Variants in CAMK2D observed in about 807,000 individuals in gnomAD.
The protein encoded by CAMK2D is calcium/calmodulin-dependent protein kinase type II subunit delta.
In CAMK2D, 37 loss-of-function variants were observed where a neutral mutation model predicts 84.0. The ratio of observed to expected loss-of-function variants is 0.44; its 90% CI spans 0.34 to 0.58. The LOEUF (loss-of-function observed/expected upper bound fraction) is 0.58, where lower values mean the gene tolerates loss of function less well. Ranked by LOEUF, CAMK2D falls within the 20% of genes least tolerant of loss-of-function variation. CAMK2D has a pLI of 0.02. For synonymous variants in CAMK2D, 202 were observed against 212.5 expected, an observed-to-expected ratio of 0.95 and a Z score of 0.43; for missense variants, 448 against 652.5, an observed-to-expected ratio of 0.69 and a Z score of 3.41.
intron 15 of CAMK2D, among the ~76,000 whole-genome samples, chr4:113,500,859 A>G (rs1483314115): frequency 2.6e-5 from 4 of 152,076 alleles, no homozygotes; most frequent in Admixed American, 2.0e-4. Context: ...TCTACAAGCA[A>G]TTGAATATGT....
intron 4 of CAMK2D, among the ~76,000 whole-genome samples, chr4:113,584,995 C>G (rs1280975885): frequency 6.6e-6 from 1 of 152,166 alleles, no homozygotes; most frequent in Non-Finnish European, 1.5e-5. Flanking sequence ...TGCTGTTTAT[C>G]CGGGTCCCAC....
intron 17 of CAMK2D, among the ~76,000 whole-genome samples, chr4:113,463,922 TA>T (rs938527875): frequency 1.5e-4 from 23 of 152,342 alleles, no homozygotes; most frequent in Non-Finnish European, 2.1e-4. Flanking sequence ...ATGTTTTACA[TA>T]AAAAATTTAT....
At position 113,761,194 on chromosome 4, in the gene CAMK2D, G is replaced by A. The variant is rs2099640723; in HGVS notation, c.-126C>T. On this transcript the variant is annotated 5_prime_UTR_variant, in exon 1 of 21. Coordinates refer to ENST00000511664, the MANE Select transcript of CAMK2D (RefSeq NM_001321571.2). ...CCGCTCTTACTTTCCTGGTCCGAAA[G>A]TAGCTCGCCCGCGAGGGAGTGTGCG... 1 of 1,489,224 alleles carries A rather than the reference G, an allele frequency of 6.7e-7. No individual in the cohort carries two copies. Among genetic ancestry groups the A allele is most frequent in the South Asian group, 1.1e-5 (1 of 87,762 alleles). 92.3% of individuals were successfully genotyped at this position (1,489,224 alleles called of 1,614,324 possible). A position where few individuals can be genotyped will look rare whatever the true frequency, so the allele number is the denominator to read the frequency against.
intron 4 of CAMK2D, among the ~76,000 whole-genome samples, chr4:113,557,802 T>G (rs2098675004): frequency 1.3e-5 from 2 of 152,158 alleles, no homozygotes; most frequent in Admixed American, 6.5e-5. Flanking sequence ...ATACGTATAT[T>G]ATGAGCATGG....
intron 16 of CAMK2D, among the ~76,000 whole-genome samples, chr4:113,489,470 T>C (rs1300918465): frequency 6.6e-6 from 1 of 152,044 alleles, no homozygotes; most frequent in Non-Finnish European, 1.5e-5. Context: ...GGACATGAAC[T>C]CATCATTTTT....
intron 2 of CAMK2D, among the ~76,000 whole-genome samples, chr4:113,731,281 CTG>C (rs894543174): frequency 6.6e-6 from 1 of 152,170 alleles, no homozygotes; most frequent in Non-Finnish European, 1.5e-5. Context: ...TTTTATAACT[CTG>C]TGTATTAGCA....
At chr4:113,532,552 G>C (rs2098465009) in intron 7 of CAMK2D, among the ~76,000 whole-genome samples, 1 of 152,178 alleles carries the variant, frequency 6.6e-6, no homozygotes, top group South Asian at 2.1e-4. Flanking sequence ...TTCCAAGGTA[G>C]AGATGGACAC....
chr4:113,608,655 T>C (rs1378640676), intron 4 of CAMK2D, among the ~76,000 whole-genome samples: 2 of 152,234 alleles, frequency 1.3e-5, no homozygotes, highest in Non-Finnish European at 2.9e-5. Flanking sequence ...TGGCCTGTTT[T>C]ACTATATCCC....
chr4:113,480,563 G>A (rs1005184281), intron 16 of CAMK2D, among the ~76,000 whole-genome samples: 5 of 151,584 alleles, frequency 3.3e-5, no homozygotes, highest in South Asian at 2.1e-4. Flanking sequence ...CTTGAGGGCC[G>A]GGTGCAGTGG....
chr4:113,677,718 C>G (rs2099324518), intron 2 of CAMK2D: 1 of 154,846 alleles, frequency 6.5e-6, no homozygotes, highest in Non-Finnish European at 1.4e-5. Flanking sequence ...ATTAGGTTAT[C>G]AATCTCATAT....
chr4:113,535,861 C>T (rs886181308), intron 7 of CAMK2D, among the ~76,000 whole-genome samples: 1 of 152,160 alleles, frequency 6.6e-6, no homozygotes, highest in Non-Finnish European at 1.5e-5. Flanking sequence ...AAGATACTTC[C>T]ACCCTGAATG....
rs1194899858 is a variant in CAMK2D, at chr4:113,493,479, C to A, written c.1135+6984G>T. 2.5e-4 allele frequency among the ~76,000 whole-genome samples: 38 copies of A among 152,300 alleles called. No individual in the cohort carries two copies. The East Asian group carries it at 7.2e-3, about 29-fold the overall frequency. ...AATGTTGAATATTGGCCCCTACTCT[C>A]TTCTGGCTTGTAGGGTTTCTGCCGA... On this transcript the variant is annotated intron_variant, in intron 16 of 20. Coordinates refer to ENST00000511664, the MANE Select transcript of CAMK2D (RefSeq NM_001321571.2).
Position 113,594,651 on chromosome 4 carries a change from G to A in CAMK2D, c.275+14501C>T, listed in dbSNP as rs561015202. On this transcript the variant is annotated intron_variant, in intron 4 of 20. Transcript: ENST00000511664. ...GAAAAATGGAGAATGTCTTTGATAGGCTCATTAGTAGACTAGACAGGGCTG... is the reference window on the plus strand; with the variant it reads ...GAAAAATGGAGAATGTCTTTGATAGACTCATTAGTAGACTAGACAGGGCTG... 2.0e-5 allele frequency among the ~76,000 whole-genome samples: 3 copies of A among 152,278 alleles called. No individual in the cohort carries two copies. The Middle Eastern group carries it at 0.01, about 518-fold the overall frequency.
chr4:113,508,972 T>A (rs1177516957), intron 13 of CAMK2D, among the ~76,000 whole-genome samples: 1 of 152,242 alleles, frequency 6.6e-6, no homozygotes, highest in Non-Finnish European at 1.5e-5. Context: ...ACCATAAGAT[T>A]ACATTCCAAC....
intron 4 of CAMK2D, among the ~76,000 whole-genome samples, chr4:113,607,333 T>C (rs1274537475): frequency 1.3e-5 from 2 of 151,988 alleles, no homozygotes; most frequent in African/African-American, 2.4e-5. Context: ...TGCAGTAGGA[T>C]TGTGCAGAAG....
chr4:113,528,800 A>C (rs2098438950), intron 8 of CAMK2D, among the ~76,000 whole-genome samples: 7 of 152,224 alleles, frequency 4.6e-5, no homozygotes, highest in Admixed American at 4.6e-4. Flanking sequence ...CATCAGCAGA[A>C]ACAGATCTAT....
At chr4:113,740,548 C>T (rs770757206) in intron 2 of CAMK2D, among the ~76,000 whole-genome samples, 6 of 152,008 alleles carry the variant, frequency 3.9e-5, no homozygotes, top group Non-Finnish European at 7.4e-5. Flanking sequence ...ACATTTAAGT[C>T]AAGACCTGGA....
chr4:113,573,619 T>C (rs1418747667), intron 4 of CAMK2D, among the ~76,000 whole-genome samples: 4 of 152,218 alleles, frequency 2.6e-5, no homozygotes, highest in Non-Finnish European at 5.9e-5. Context: ...CATTGTATAA[T>C]AAGGCAACCA....
rs1341699471 is a variant in CAMK2D at position 113,462,326 on chromosome 4, GTCTGTCTGTCTGTCTA to G, written c.1212-2101_1212-2086del. On this transcript the variant is annotated intron_variant, in intron 17 of 20. Transcript: ENST00000511664. ...TGTCTGTCTGTCTGTCTGTCTGTCT[GTCTGTCTGTCTGTCTA>G]TCTATCTATCTATCTATCTATCTAT... Among the ~76,000 whole-genome samples the G allele has an allele frequency of 8.3e-5, 11 of 132,268 alleles. No homozygotes were observed. The South Asian group carries it at 9.9e-4, about 12-fold the overall frequency. The allele number at this position is 132,268 out of a possible 152,430, so 86.8% of individuals were successfully genotyped here. A position where few individuals can be genotyped will look rare whatever the true frequency, so the allele number is the denominator to read the frequency against.
Sources: gnomAD v4.1 joint callset for allele counts (sites outside exome capture counted in the v4.1 genomes callset) on GRCh38, gnomAD v4.1.1 for gene constraint, MANE v1.5 for transcripts, NCBI Gene and HGNC (gene_info 2026-07-23, HGNC 2026-07-21) for gene names.